FABP12: variants seen among roughly 807,000 people sequenced by gnomAD.
FABP12 encodes the protein fatty acid binding protein 12.
A neutral mutation model predicts 13.7 loss-of-function variants in FABP12; 19 were observed. The ratio of observed to expected loss-of-function variants is 1.39; its 90% CI spans 0.97 to 2.04. The LOEUF (loss-of-function observed/expected upper bound fraction) is 2.04, where lower values mean the gene tolerates loss of function less well. Ranked by LOEUF, FABP12 falls within the 30% of genes most tolerant of loss-of-function variation. The probability of loss-of-function intolerance (pLI) is 0.00; values close to 1 mark genes in which losing one functional copy is unlikely to be tolerated. For synonymous variants in FABP12, 61 were observed against 57.0 expected, an observed-to-expected ratio of 1.07 and a Z score of -0.32; for missense variants, 182 against 164.2, an observed-to-expected ratio of 1.11 and a Z score of -0.59.
At chr8:81,555,429 A>G (rs560949092) in intron 1 of FABP12, among the ~76,000 whole-genome samples, 1 of 152,342 alleles carries the variant, frequency 6.6e-6, no homozygotes, top group East Asian at 1.9e-4. Flanking sequence ...CTAATACCAG[A>G]CAAATGGTTC....
intron 1 of FABP12, among the ~76,000 whole-genome samples, chr8:81,554,815 T>C (rs1809581072): frequency 6.6e-6 from 1 of 151,644 alleles, no homozygotes; most frequent in South Asian, 2.1e-4. Context: ...AAAAAAAAAA[T>C]CACAAACACA....
At chr8:81,526,932 G>A (rs1397427932) in intron 4 of FABP12, 88 bp downstream of exon 4, 4 of 705,016 alleles carry the variant, frequency 5.7e-6, no homozygotes, top group South Asian at 4.1e-5. Flanking sequence ...AAGGAAAATG[G>A]CATTCATTTT....
intron 1 of FABP12, among the ~76,000 whole-genome samples, chr8:81,575,566 A>G (rs1222989724): frequency 6.6e-6 from 1 of 151,958 alleles, no homozygotes; most frequent in African/African-American, 2.4e-5. Context: ...GAAGTCCCCC[A>G]CTATTATTTT....
intron 1 of FABP12, among the ~76,000 whole-genome samples, chr8:81,574,547 G>T (rs1403373655): frequency 3.3e-5 from 5 of 151,996 alleles, no homozygotes; most frequent in Non-Finnish European, 7.4e-5. Context: ...TTCTTTGAAT[G>T]TCTGGTAGAA....
intron 1 of FABP12, among the ~76,000 whole-genome samples, chr8:81,561,569 C>T (rs1809724463): frequency 6.6e-6 from 1 of 152,152 alleles, no homozygotes; most frequent in African/African-American, 2.4e-5. Flanking sequence ...CTGAGAGAGG[C>T]ACTGAAGAGG....
chr8:81,528,375 A>C (rs1168980798), intron 3 of FABP12, among the ~76,000 whole-genome samples: 3 of 152,158 alleles, frequency 2.0e-5, no homozygotes, highest in Non-Finnish European at 4.4e-5. Context: ...TACCGCACCC[A>C]ACCTAGCTTT....
At chr8:81,563,981 C>A (rs868026111) in intron 1 of FABP12, among the ~76,000 whole-genome samples, 2 of 151,988 alleles carry the variant, frequency 1.3e-5, no homozygotes, top group Non-Finnish European at 2.9e-5. Context: ...ATGACTACCT[C>A]AAAACATTTA....
intron 1 of FABP12, among the ~76,000 whole-genome samples, chr8:81,587,656 G>A (rs979877037): frequency 2.0e-5 from 3 of 152,044 alleles, no homozygotes; most frequent in African/African-American, 7.2e-5. Flanking sequence ...TTGATGTATA[G>A]AAATGCTACT....
chr8:81,529,322 G>C, intron 3 of FABP12, 116 bp downstream of exon 3: 1 of 1,035,166 alleles, frequency 9.7e-7, no homozygotes, highest in Non-Finnish European at 1.5e-6. Flanking sequence ...CTATGTTTTA[G>C]ACAAAAGTTC....
chr8:81,553,406 T>A (rs148452150), intron 1 of FABP12, among the ~76,000 whole-genome samples: 1 of 152,330 alleles, frequency 6.6e-6, no homozygotes, highest in East Asian at 1.9e-4. Context: ...ATTGTATCAA[T>A]TTATACTATA....
intron 1 of FABP12, among the ~76,000 whole-genome samples, chr8:81,543,702 T>A (rs1306762110): frequency 6.6e-6 from 1 of 152,128 alleles, no homozygotes; most frequent in Non-Finnish European, 1.5e-5. Context: ...AGGTTAGGAG[T>A]AAGTTGTTTT....
intron 1 of FABP12, among the ~76,000 whole-genome samples, chr8:81,555,266 G>A (rs1017061509): frequency 1.3e-5 from 2 of 152,190 alleles, no homozygotes; most frequent in African/African-American, 4.8e-5. Flanking sequence ...TCTAGGCACA[G>A]GAGAGAACAA....
chr8:81,527,028 T>C, exon 4 of FABP12: 1 of 1,603,176 alleles, frequency 6.2e-7, no homozygotes, highest in Non-Finnish European at 8.5e-7. Context: ...ACCACCACCA[T>C]TTTCCCATCC....
intron 1 of FABP12, among the ~76,000 whole-genome samples, chr8:81,546,090 T>TGGACA (rs1809430379): frequency 6.6e-6 from 1 of 152,180 alleles, no homozygotes; most frequent in Non-Finnish European, 1.5e-5. Flanking sequence ...CCCTGCAAAG[T>TGGACA]TACCATACAT....
intron 1 of FABP12, among the ~76,000 whole-genome samples, chr8:81,565,993 G>GAT (rs1348252248): frequency 6.6e-6 from 1 of 151,854 alleles, no homozygotes; most frequent in African/African-American, 2.4e-5. Flanking sequence ...CATTACAACT[G>GAT]ATACCACAAA....
At chr8:81,534,867 C>T (rs1809182921), upstream of FABP12, among the ~76,000 whole-genome samples, 2 of 150,952 alleles carry the variant, frequency 1.3e-5, no homozygotes, top group South Asian at 4.2e-4. Context: ...TCACTTGAAC[C>T]TGGGAGGTTG....
chr8:81,575,375 T>C (rs1810021252), intron 1 of FABP12, among the ~76,000 whole-genome samples: 1 of 152,226 alleles, frequency 6.6e-6, no homozygotes, highest in Admixed American at 6.5e-5. Flanking sequence ...TGGCCTATCA[T>C]ATGGTCTTTC....
chr8:81,575,215 T>G (rs1221987965), intron 1 of FABP12, among the ~76,000 whole-genome samples: 1 of 152,220 alleles, frequency 6.6e-6, no homozygotes, highest in Non-Finnish European at 1.5e-5. Flanking sequence ...TTCAACCCCA[T>G]GCTCATTCAA....
intron 3 of FABP12, 43 bp downstream of exon 3, chr8:81,529,395 A>AC: frequency 1.3e-6 from 2 of 1,593,646 alleles, no homozygotes; most frequent in Non-Finnish European, 1.7e-6. Flanking sequence ...TATCTGACTA[A>AC]CATTCTTTTG....
Sources: allele counts gnomAD v4.1 joint callset (sites outside exome capture counted in the v4.1 genomes callset), GRCh38; gene constraint gnomAD v4.1.1; transcripts MANE v1.5; gene names NCBI Gene and HGNC (gene_info 2026-07-23, HGNC 2026-07-21).